Variants in GPC6 observed in about 807,000 individuals in gnomAD.
GPC6 encodes the protein glypican 6.
In GPC6, 14 loss-of-function variants were observed where a neutral mutation model predicts 55.2. The observed-to-expected ratio is 0.25, with a 90% confidence interval of 0.17 to 0.40. GPC6 has a LOEUF of 0.40. GPC6 is among the 10% of genes least tolerant of loss of function. The pLI is 1.00. For missense variants in GPC6, 641 were observed against 708.5 expected, an observed-to-expected ratio of 0.90 and a Z score of 1.08; for synonymous variants, 278 against 259.6, an observed-to-expected ratio of 1.07 and a Z score of -0.68.
chr13:93,743,687 T>A (rs934121737), intron 2 of GPC6, among the ~76,000 whole-genome samples: 3 of 152,144 alleles, frequency 2.0e-5, no homozygotes, highest in African/African-American at 7.2e-5. Flanking sequence ...TCATCTTTAT[T>A]ATTTCCTTCC....
At chr13:93,451,121 G>A (rs544670918) in intron 1 of GPC6, among the ~76,000 whole-genome samples, 4 of 152,332 alleles carry the variant, frequency 2.6e-5, no homozygotes, top group African/African-American at 9.6e-5. Context: ...CTAATTGAAG[G>A]GCTGGGCAAC....
intron 1 of GPC6, among the ~76,000 whole-genome samples, chr13:93,253,462 A>T (rs1876853091): frequency 6.6e-6 from 1 of 152,200 alleles, no homozygotes; most frequent in African/African-American, 2.4e-5. Flanking sequence ...AATAGCATCC[A>T]CATTTTCCCT....
At chr13:93,714,024 G>A (rs1883162214) in intron 2 of GPC6, among the ~76,000 whole-genome samples, 1 of 151,878 alleles carries the variant, frequency 6.6e-6, no homozygotes. Flanking sequence ...CATCAGCCTT[G>A]AGAAAGAATT....
intron 3 of GPC6, among the ~76,000 whole-genome samples, chr13:94,006,159 C>T (rs530800685): frequency 6.6e-5 from 10 of 152,120 alleles, no homozygotes; most frequent in Admixed American, 2.6e-4. Context: ...TTGCATGTCA[C>T]GCACATACTC....
intron 2 of GPC6, among the ~76,000 whole-genome samples, chr13:93,662,847 T>C (rs1162097008): frequency 6.6e-6 from 1 of 151,914 alleles, no homozygotes. Context: ...GAAAAAAAAT[T>C]GAAATTTAAA....
chr13:93,870,978 A>AT (rs918439451), intron 3 of GPC6, among the ~76,000 whole-genome samples: 18 of 150,940 alleles, frequency 1.2e-4, no homozygotes, highest in South Asian at 4.2e-4. Context: ...TCAGCTATTC[A>AT]TTTTTTTTTC....
At chr13:93,401,392 TTA>T (rs1466158001) in intron 1 of GPC6, among the ~76,000 whole-genome samples, 3 of 152,072 alleles carry the variant, frequency 2.0e-5, no homozygotes, top group Admixed American at 6.6e-5. Flanking sequence ...TGTTCTGAAT[TTA>T]TATGTTATCC....
At chr13:93,362,916 C>T (rs977442851) in intron 1 of GPC6, among the ~76,000 whole-genome samples, 1 of 151,970 alleles carries the variant, frequency 6.6e-6, no homozygotes, top group African/African-American at 2.4e-5. Context: ...ATTCCATCGC[C>T]CCACTGACTT....
chr13:94,000,052 G>T (rs951797946), intron 3 of GPC6, among the ~76,000 whole-genome samples: 1 of 152,148 alleles, frequency 6.6e-6, no homozygotes, highest in Non-Finnish European at 1.5e-5. Context: ...GCTCTGCAAT[G>T]ATTTTGCGTG....
At chr13:93,250,534 C>G (rs1388499428) in intron 1 of GPC6, among the ~76,000 whole-genome samples, 1 of 152,184 alleles carries the variant, frequency 6.6e-6, no homozygotes, top group Non-Finnish European at 1.5e-5. Flanking sequence ...CCACCTCCAG[C>G]CTTGATCACT....
intron 4 of GPC6, among the ~76,000 whole-genome samples, chr13:94,080,483 T>C (rs1885061525): frequency 6.6e-6 from 1 of 152,206 alleles, no homozygotes; most frequent in African/African-American, 2.4e-5. Flanking sequence ...AATAAATAAA[T>C]ACCAGTGGCA....
At chr13:94,269,534 C>CT (rs1426157180) in intron 4 of GPC6, among the ~76,000 whole-genome samples, 2 of 152,086 alleles carry the variant, frequency 1.3e-5, no homozygotes, top group Non-Finnish European at 2.9e-5. Flanking sequence ...CTCTGCAGTC[C>CT]TTCTGTCTTT....
chr13:94,141,352 A>G lies in GPC6; in HGVS notation c.877+113458A>G, dbSNP rs140662850. Among the ~76,000 whole-genome samples, 428 of 152,286 alleles carry G rather than the reference A, an allele frequency of 2.8e-3. 3 individuals carry two copies. Among genetic ancestry groups the G allele is most frequent in the South Asian group, 0.016 (77 of 4,816 alleles). On this transcript the variant is annotated intron_variant, in intron 4 of 8. Coordinates refer to ENST00000377047, the MANE Select transcript of GPC6 (RefSeq NM_005708.5). ...TTAATATAAGGAAGTCTGTTAACCAATACACTGAGACAGAGTGACTTGTAA... is the reference window on the plus strand; with the variant it reads ...TTAATATAAGGAAGTCTGTTAACCAGTACACTGAGACAGAGTGACTTGTAA...
intron 1 of GPC6, among the ~76,000 whole-genome samples, chr13:93,537,668 A>G (rs187600970): frequency 5.9e-5 from 9 of 152,248 alleles, no homozygotes; most frequent in Non-Finnish European, 1.3e-4. Flanking sequence ...AGTTTATAAA[A>G]TTAAAATATC....
upstream of GPC6, among the ~76,000 whole-genome samples, chr13:93,226,256 T>C (rs976792223): frequency 2.6e-5 from 4 of 152,134 alleles, no homozygotes; most frequent in African/African-American, 9.7e-5. Flanking sequence ...TTGTTAGCTT[T>C]CCCGATCCTC....
intron 1 of GPC6, among the ~76,000 whole-genome samples, chr13:93,388,000 C>T (rs1392764980): frequency 6.6e-6 from 1 of 152,088 alleles, no homozygotes; most frequent in East Asian, 1.9e-4. Context: ...CTGTATATCT[C>T]TTTCTATGGG....
At chr13:94,114,956 G>A (rs763074866) in intron 4 of GPC6, among the ~76,000 whole-genome samples, 19 of 151,974 alleles carry the variant, frequency 1.3e-4, no homozygotes, top group Admixed American at 2.6e-4. Flanking sequence ...CATGGCCACC[G>A]GCCATGAGAA....
At chr13:93,954,183 T>C (rs1006439937) in intron 3 of GPC6, among the ~76,000 whole-genome samples, 19 of 152,228 alleles carry the variant, frequency 1.2e-4, no homozygotes, top group African/African-American at 4.3e-4. Context: ...CTGGCTTCTT[T>C]CAACACATAT....
intron 4 of GPC6, among the ~76,000 whole-genome samples, chr13:94,261,558 A>G (rs1031893571): frequency 6.6e-6 from 1 of 152,224 alleles, no homozygotes; most frequent in African/African-American, 2.4e-5. Context: ...ATTAATGGGT[A>G]TGGGTGAAAC....
Sources: allele counts gnomAD v4.1 joint callset (sites outside exome capture counted in the v4.1 genomes callset), GRCh38; gene constraint gnomAD v4.1.1; transcripts MANE v1.5; gene names NCBI Gene and HGNC (gene_info 2026-07-23, HGNC 2026-07-21).